CPNE4: variants seen among roughly 807,000 people sequenced by gnomAD.
CPNE4 encodes copine 4, also known as copine-4.
In CPNE4, 25 loss-of-function variants were observed where a neutral mutation model predicts 67.9. The ratio of observed to expected loss-of-function variants is 0.37; its 90% CI spans 0.27 to 0.51. The LOEUF (loss-of-function observed/expected upper bound fraction) is 0.51. CPNE4 is among the 20% of genes least tolerant of loss of function. The pLI is 0.93. For synonymous variants in CPNE4, 242 were observed against 244.9 expected, an observed-to-expected ratio of 0.99 and a Z score of 0.11; for missense variants, 464 against 690.8, an observed-to-expected ratio of 0.67 and a Z score of 3.68.
rs1486964013 is a variant in CPNE4 at position 131,708,971 on chromosome 3, T to TATATATATATATAG, written c.361-8992_361-8991insCTATATATATATAT. ...GAGGGCATAAAGATATATATATATA[T>TATATATATATATAG]ATATATATATATATATATATATATA... On this transcript the variant is annotated intron_variant, in intron 3 of 15. Coordinates refer to ENST00000429747, the MANE Select transcript of CPNE4 (RefSeq NM_130808.3). 3.4e-5 allele frequency among the ~76,000 whole-genome samples: 3 copies of TATATATATATATAG among 89,282 alleles called. No homozygotes were observed. In the East Asian group the frequency reaches 8.8e-4, roughly 26 times the overall value. 58.6% of individuals were successfully genotyped at this position (89,282 alleles called of 152,430 possible).
At chr3:131,581,453 C>A in intron 9 of CPNE4, 126 bp downstream of exon 9, 1 of 672,510 alleles carries the variant, frequency 1.5e-6, no homozygotes, top group Non-Finnish European at 2.6e-6. Flanking sequence ...TAATACATGA[C>A]TTTTTAATTT....
intron 2 of CPNE4, among the ~76,000 whole-genome samples, chr3:131,788,611 C>T (rs967127771): frequency 1.3e-5 from 2 of 152,086 alleles, no homozygotes; most frequent in African/African-American, 2.4e-5. Context: ...TAAAGTCTTT[C>T]ATCCAACCAG....
chr3:131,755,197 A>AT (rs556616086), intron 2 of CPNE4, among the ~76,000 whole-genome samples: 15,591 of 143,790 alleles, frequency 0.11, 923 homozygotes, highest in Admixed American at 0.15. Flanking sequence ...GGAATAGGTA[A>AT]TTTTTTTTTT....
intron 2 of CPNE4, among the ~76,000 whole-genome samples, chr3:131,754,375 G>GA (rs759858134): frequency 2.6e-5 from 4 of 151,182 alleles, no homozygotes; most frequent in African/African-American, 9.7e-5. Flanking sequence ...AGAAGTATAA[G>GA]AAAAAAAAGA....
intron 7 of CPNE4, among the ~76,000 whole-genome samples, chr3:131,614,208 C>T (rs1362256218): frequency 6.6e-6 from 1 of 152,208 alleles, no homozygotes; most frequent in Non-Finnish European, 1.5e-5. Context: ...GTTTTGTGAT[C>T]TCATTCATTA....
chr3:131,814,579 T>C (rs1022147130), intron 2 of CPNE4, among the ~76,000 whole-genome samples: 3 of 6,900 alleles, frequency 4.3e-4, no homozygotes, highest in African/African-American at 3.2e-3. Flanking sequence ...GCAATTTTTT[T>C]TTTTTTTTTT....
At chr3:131,632,271 A>C (rs1048423607) in intron 7 of CPNE4, among the ~76,000 whole-genome samples, 1 of 151,850 alleles carries the variant, frequency 6.6e-6, no homozygotes, top group African/African-American at 2.4e-5. Context: ...TGGCCTCCTA[A>C]AGTGCTGGGA....
At position 131,871,690 on chromosome 3, in the gene CPNE4, G is replaced by GA. The variant is rs2087215204; in HGVS notation, c.180+33573dup. The stretch of plus-strand genomic sequence containing the variant: ...CGATACCAACTTCGGTTTTCTTGTG[G>GA]AAAAAATAAGGATGTGGTAAGTTCA... On this transcript the variant is annotated intron_variant, in intron 2 of 15. Transcript: ENST00000429747. 5.3e-5 allele frequency among the ~76,000 whole-genome samples: 8 copies of GA among 152,184 alleles called. No individual in the cohort carries two copies. In the South Asian group the frequency reaches 1.7e-3, roughly 32 times the overall value.
intron 1 of CPNE4, among the ~76,000 whole-genome samples, chr3:131,938,636 G>A (rs1307752613): frequency 6.6e-6 from 1 of 152,052 alleles, no homozygotes. Flanking sequence ...AGGAGAGAGA[G>A]AGAAGGGGGA....
At chr3:132,025,908 G>A (rs1405866414) in intron 1 of CPNE4, among the ~76,000 whole-genome samples, 1 of 152,166 alleles carries the variant, frequency 6.6e-6, no homozygotes, top group Non-Finnish European at 1.5e-5. Context: ...CACATTTGAG[G>A]TGAGGACTGT....
chr3:131,645,814 G>C (rs1483424458), intron 7 of CPNE4, among the ~76,000 whole-genome samples: 1 of 152,128 alleles, frequency 6.6e-6, no homozygotes, highest in Non-Finnish European at 1.5e-5. Context: ...GAAGTGGCTA[G>C]GGGCAGGCAT....
intron 7 of CPNE4, among the ~76,000 whole-genome samples, chr3:131,615,484 T>C (rs999006531): frequency 2.0e-5 from 3 of 152,188 alleles, no homozygotes; most frequent in African/African-American, 7.2e-5. Context: ...ATAAAGTAAA[T>C]TGTATTTTAA....
intron 2 of CPNE4, among the ~76,000 whole-genome samples, chr3:131,783,058 A>G (rs1363006775): frequency 1.3e-5 from 2 of 152,088 alleles, no homozygotes; most frequent in African/African-American, 2.4e-5. Flanking sequence ...GCCATCTTCA[A>G]TGATGGCAAT....
chr3:131,942,749 T>C (rs2071437601), intron 1 of CPNE4, among the ~76,000 whole-genome samples: 1 of 152,082 alleles, frequency 6.6e-6, no homozygotes, highest in Non-Finnish European at 1.5e-5. Context: ...TCTCTTCGAA[T>C]CCCTCTAAAG....
At position 131,697,956 on chromosome 3, in the gene CPNE4, G is replaced by A. The variant is rs373782133; in HGVS notation, c.433-1340C>T. ...AAATACTTAAAATTAAATGGGGCCAGGGGCAGTGGCTCATGCCTGTAATCC... is the reference window on the plus strand; with the variant it reads ...AAATACTTAAAATTAAATGGGGCCAAGGGCAGTGGCTCATGCCTGTAATCC... On this transcript the variant is annotated intron_variant, in intron 4 of 15. Coordinates refer to ENST00000429747, the MANE Select transcript of CPNE4 (RefSeq NM_130808.3). Among the ~76,000 whole-genome samples, 21 of 152,214 alleles carry A rather than the reference G, an allele frequency of 1.4e-4. No individual in the cohort carries two copies. In the East Asian group the frequency reaches 3.9e-3, roughly 28 times the overall value.
intron 1 of CPNE4, among the ~76,000 whole-genome samples, chr3:131,998,721 A>AG (rs1253958833): frequency 6.6e-6 from 1 of 151,102 alleles, no homozygotes; most frequent in Non-Finnish European, 1.5e-5. Context: ...ACAGAAATGA[A>AG]AAGATGGGTA....
intron 1 of CPNE4, among the ~76,000 whole-genome samples, chr3:131,925,914 A>C (rs991672271): frequency 1.0e-5 from 1 of 97,970 alleles, no homozygotes; most frequent in African/African-American, 2.8e-5. Context: ...GACATGAGAC[A>C]TATTTTCCAC....
At chr3:131,541,198 C>T (rs747981244) in intron 15 of CPNE4, among the ~76,000 whole-genome samples, 2 of 152,196 alleles carry the variant, frequency 1.3e-5, no homozygotes, top group African/African-American at 2.4e-5. Flanking sequence ...CTAGACACAG[C>T]TAGGATACTC....
intron 7 of CPNE4, among the ~76,000 whole-genome samples, chr3:131,639,047 A>G (rs1457864526): frequency 6.6e-6 from 1 of 152,102 alleles, no homozygotes; most frequent in African/African-American, 2.4e-5. Context: ...ATTAAATGCC[A>G]CATCAAAAAG....
Sources: allele counts gnomAD v4.1 joint callset (sites outside exome capture counted in the v4.1 genomes callset), GRCh38; gene constraint gnomAD v4.1.1; transcripts MANE v1.5; gene names NCBI Gene and HGNC (gene_info 2026-07-23, HGNC 2026-07-21).